ZBTB5: variants seen among roughly 807,000 people sequenced by gnomAD.
The protein encoded by ZBTB5 is zinc finger and BTB domain containing 5, also known as zinc finger and BTB domain-containing protein 5.
In ZBTB5, 15 loss-of-function variants were observed where a neutral mutation model predicts 37.9. The observed-to-expected ratio is 0.40, with a 90% CI of 0.26 to 0.61. The LOEUF (loss-of-function observed/expected upper bound fraction) is 0.61, where lower values mean the gene tolerates loss of function less well. Ranked by LOEUF, ZBTB5 falls within the 20% of genes least tolerant of loss-of-function variation. ZBTB5 has a pLI of 0.47. For synonymous variants in ZBTB5, 315 were observed against 312.4 expected (o/e 1.01, Z -0.09); for missense variants, 708 against 856.8 (o/e 0.83, Z 2.17).
Position 37,452,811 on chromosome 9 carries a change from T to G in ZBTB5, c.-4-10256A>C, listed in dbSNP as rs183577917. ...AAAGCCTCCCTAGGGCAATGTAAAC[T>G]GCCAGGCACTTCTGGTTCTCTGGGC... On this transcript the variant is annotated intron_variant, in intron 1 of 1. Coordinates refer to ENST00000307750, the MANE Select transcript of ZBTB5 (RefSeq NM_014872.3). Among the ~76,000 whole-genome samples the G allele has an allele frequency of 3.7e-4, 56 of 152,316 alleles. 2 individuals are homozygous for G. The East Asian group carries it at 6.2e-3, about 17-fold the overall frequency.
In ZBTB5 at chr9:37,441,708, T is replaced by G. The variant is rs144915522; in HGVS notation, c.844A>C (p.Asn282His). 642 of 1,614,040 alleles carry G rather than the reference T, an allele frequency of 4.0e-4. 2 individuals are homozygous for G. In the African/African-American group the frequency reaches 7.3e-3, roughly 18 times the overall value. Residue 282 changes from asparagine (N) to histidine (H), a missense_variant, in exon 2 of 2, where the codon AAC becomes CAC. Coordinates refer to ENST00000307750, the MANE Select transcript of ZBTB5 (RefSeq NM_014872.3). ...GAGGCCATGGACAACTGTGCCATGT[T>G]GCCAGCACTGTTATCAGACTGGCTG... Reference protein sequence around the residue: ...VPSQSDNSAGNMAQLSMASRA... With the variant: ...VPSQSDNSAGHMAQLSMASRA...
In ZBTB5 at chr9:37,461,901, C is replaced by G. The variant is rs78435638; in HGVS notation, c.-5+3314G>C. On this transcript the variant is annotated intron_variant, in intron 1 of 1. Coordinates refer to ENST00000307750, the MANE Select transcript of ZBTB5 (RefSeq NM_014872.3). Reference sequence around the variant, plus strand: ...TTTCCATTTACATAAGGAAAAATATCACGCTCGATAGGCTTCTTTTCAGTA... The same window carrying G: ...TTTCCATTTACATAAGGAAAAATATGACGCTCGATAGGCTTCTTTTCAGTA... Among the ~76,000 whole-genome samples, 203 of 152,190 alleles carry G rather than the reference C, an allele frequency of 1.3e-3. 2 individuals are homozygous for G. The East Asian group carries it at 0.022, about 16-fold the overall frequency.
chr9:37,447,758 C>A (rs917039198), intron 1 of ZBTB5, among the ~76,000 whole-genome samples: 1 of 151,332 alleles, frequency 6.6e-6, no homozygotes, highest in Non-Finnish European at 1.5e-5. Context: ...AATAGTATTT[C>A]AACTAGGCAT....
intron 1 of ZBTB5, among the ~76,000 whole-genome samples, chr9:37,452,974 G>A (rs79882850): frequency 0.049 from 7,496 of 152,260 alleles, 273 homozygotes; most frequent in Non-Finnish European, 0.075. Context: ...GAGCTACACA[G>A]TATCTGCTAC....
Position 37,440,972 on chromosome 9 carries a change from C to T in ZBTB5, c.1580G>A (p.Gly527Glu). ...FSRVMIGSPR[G>E]GASNFPYYRR... ...GTAGTAAGGAAAGTTACTGGCTCCT[C>T]CCCTTGGGGAACCTATCATTACCCT... is the stretch of plus-strand genomic sequence containing the variant. The change falls in exon 2 of 2, where the codon GGA (glycine) becomes GAA (glutamate). Residue 527 changes from glycine to glutamate, a missense_variant. Gly to Glu is a moderately conservative substitution (Grantham distance 98). This residue lies in a region of ZBTB5 where 639 missense variants were observed against 690.5 expected (regional missense o/e 0.93). Transcript: ENST00000307750. 1.9e-6 allele frequency: 3 copies of T among 1,614,198 alleles called. No individual in the cohort carries two copies. The highest frequency in any genetic ancestry group is 2.5e-6 in the Non-Finnish European group (3 of 1,180,048).
chr9:37,447,530 C>G (rs1484572364), intron 1 of ZBTB5, among the ~76,000 whole-genome samples: 1 of 152,154 alleles, frequency 6.6e-6, no homozygotes, highest in Admixed American at 6.5e-5. Context: ...GTGGCATGAT[C>G]ATAGCTCACT....
chr9:37,453,129 T>C (rs537063637), intron 1 of ZBTB5, among the ~76,000 whole-genome samples: 2 of 152,336 alleles, frequency 1.3e-5, no homozygotes, highest in African/African-American at 4.8e-5. Context: ...AACCATTAGG[T>C]GAACAAGAAA....
intron 1 of ZBTB5, among the ~76,000 whole-genome samples, chr9:37,456,188 C>G (rs1050385218): frequency 2.6e-5 from 4 of 152,068 alleles, no homozygotes; most frequent in Admixed American, 1.3e-4. Flanking sequence ...TGGGCTCAAT[C>G]AATCCACCTG....
At chr9:37,459,856 G>A (rs309441) in intron 1 of ZBTB5, among the ~76,000 whole-genome samples, 113,409 of 151,274 alleles carry the variant, frequency 0.75, 44,960 homozygotes, top group Non-Finnish European at 0.87. Context: ...GACTACGGGC[G>A]CCCGCCACCA....
intron 1 of ZBTB5, among the ~76,000 whole-genome samples, chr9:37,450,235 G>A (rs575780137): frequency 6.9e-4 from 104 of 151,774 alleles, no homozygotes; most frequent in Non-Finnish European, 1.3e-3. Context: ...TCCTAAACTC[G>A]AGTGTGTCTG....
In ZBTB5 at chr9:37,441,217, G is replaced by A; in HGVS notation, c.1335C>T (p.Pro445=). Residue 445 remains proline, a synonymous_variant, in exon 2 of 2, where the codon CCC becomes CCT. Transcript: ENST00000307750. ...TSDCRLESEA[P]YLLSPEAGPA... ...GCCCAGCCTCTGGACTCAACAAATA[G>A]GGGGCCTCACTCTCCAGCCTGCAGT... is the stretch of plus-strand genomic sequence containing the variant. The A allele has an allele frequency of 6.2e-7, 1 of 1,614,150 alleles. No homozygotes were observed. The highest frequency in any genetic ancestry group is 1.1e-5 in the South Asian group (1 of 91,080).
rs767509727 is a variant in ZBTB5 at position 37,441,794 on chromosome 9, T to C, written c.758A>G (p.Gln253Arg). The stretch of plus-strand genomic sequence containing the variant: ...ATCAAACATGATCGCACTATCTTCC[T>C]GGTTATCAGTCATTCCATCAGCTTT... ...NPKADGMTDN[Q>R]EDSAIMFDQS... Residue 253 changes from glutamine to arginine, a missense_variant, in exon 2 of 2, where the codon CAG (glutamine) becomes CGG (arginine). Physicochemically the swap from Gln to Arg is conservative, Grantham distance 43. Transcript: ENST00000307750. The C allele has an allele frequency of 6.8e-6, 11 of 1,613,998 alleles. No individual in the cohort carries two copies. In the Admixed American group the frequency reaches 1.7e-4, roughly 24 times the overall value.
At position 37,440,428 on chromosome 9, in the gene ZBTB5, T is replaced by C. The variant is rs1823841700; in HGVS notation, c.*90A>G. ...AACTGTTTAAGAGCCACTGGGCAGC[T>C]GGAAGCCTCGAACCCAAAGGCATTA... On this transcript the variant is annotated 3_prime_UTR_variant, in exon 2 of 2. Transcript: ENST00000307750. The C allele has an allele frequency of 9.0e-7, 1 of 1,116,284 alleles. No individual in the cohort carries two copies. The highest frequency in any genetic ancestry group is 1.3e-6 in the Non-Finnish European group (1 of 780,890). The allele number at this position is 1,116,284 out of a possible 1,614,324, so 69.1% of individuals were successfully genotyped here.
intron 1 of ZBTB5, among the ~76,000 whole-genome samples, chr9:37,456,276 C>T (rs1429776193): frequency 6.6e-6 from 1 of 152,128 alleles, no homozygotes; most frequent in Admixed American, 6.5e-5. Flanking sequence ...TTTGACAGGG[C>T]TCCAAGTCAG....
chr9:37,463,391 GA>G (rs1173152588), intron 1 of ZBTB5, among the ~76,000 whole-genome samples: 1 of 152,080 alleles, frequency 6.6e-6, no homozygotes, highest in Non-Finnish European at 1.5e-5. Flanking sequence ...GACAGAGGGG[GA>G]AAGTATTTAA....
At chr9:37,462,287 T>G (rs764859117) in intron 1 of ZBTB5, among the ~76,000 whole-genome samples, 3 of 152,142 alleles carry the variant, frequency 2.0e-5, no homozygotes, top group Non-Finnish European at 2.9e-5. Context: ...TGTCTGCCAA[T>G]GACTACTATG....
In ZBTB5 at chr9:37,452,617, CAGG is replaced by C. The variant is rs557661112; in HGVS notation, c.-4-10065_-4-10063del. Among the ~76,000 whole-genome samples, 492 of 152,220 alleles carry C rather than the reference CAGG, an allele frequency of 3.2e-3. 4 individuals carry two copies. Among genetic ancestry groups the C allele is most frequent in the Admixed American group, 6.7e-3 (102 of 15,286 alleles). ...CCCAGGAGAAAATGGGAGTAAGGAG[CAGG>C]AGAAGGAAGCAGCAGCCAAGTAAAG... On this transcript the variant is annotated intron_variant, in intron 1 of 1. Transcript: ENST00000307750.
At chr9:37,464,882 C>T (rs114375831) in intron 1 of ZBTB5, among the ~76,000 whole-genome samples, 2,751 of 152,324 alleles carry the variant, frequency 0.018, 74 homozygotes, top group African/African-American at 0.062. Flanking sequence ...GGCAGCAGAT[C>T]CTCTCTTCAT....
At chr9:37,464,994 A>C (rs1305414831) in intron 1 of ZBTB5, among the ~76,000 whole-genome samples, 1 of 150,844 alleles carries the variant, frequency 6.6e-6, no homozygotes, top group Non-Finnish European at 1.5e-5. Context: ...CACCCCGCAG[A>C]CAGCCTGGCG....
Sources: gnomAD v4.1 joint callset for allele counts (sites outside exome capture counted in the v4.1 genomes callset) on GRCh38, gnomAD v4.1.1 for gene constraint, gnomAD v4.1.1 regional missense constraint, MANE v1.5 for transcripts, NCBI Gene and HGNC (gene_info 2026-07-23, HGNC 2026-07-21) for gene names.